NT5DC3: variants seen among roughly 807,000 people sequenced by gnomAD.
NT5DC3 encodes the protein 5'-nucleotidase domain containing 3, also known as 5'-nucleotidase domain-containing protein 3.
In NT5DC3, 42 loss-of-function variants were observed where a neutral mutation model predicts 67.8. The ratio of observed to expected loss-of-function variants is 0.62; its 90% confidence interval spans 0.48 to 0.80. NT5DC3 has a LOEUF of 0.80. Ranked by LOEUF, NT5DC3 falls within the 30% of genes least tolerant of loss-of-function variation. The probability of loss-of-function intolerance (pLI) is 0.00; values close to 1 mark genes in which losing one functional copy is unlikely to be tolerated. For missense variants in NT5DC3, 570 were observed against 696.4 expected, an observed-to-expected ratio of 0.82 and a Z score of 2.04; for synonymous variants, 237 against 255.6, an observed-to-expected ratio of 0.93 and a Z score of 0.69.
At chr12:103,812,172 GT>G (rs1211994015) in intron 2 of NT5DC3, among the ~76,000 whole-genome samples, 17 of 152,120 alleles carry the variant, frequency 1.1e-4, no homozygotes, top group Admixed American at 8.5e-4. Context: ...AAGCTTTTAT[GT>G]TTGCTTTTTG....
At chr12:103,768,366 C>T (rs1003816857), downstream of NT5DC3, among the ~76,000 whole-genome samples, 8 of 149,342 alleles carry the variant, frequency 5.4e-5, no homozygotes, top group South Asian at 2.1e-4. Flanking sequence ...ACCTGAGAGG[C>T]GGAGGTTGCA....
intron 1 of NT5DC3, among the ~76,000 whole-genome samples, chr12:103,816,235 T>A (rs1887245750): frequency 1.3e-5 from 2 of 152,178 alleles, no homozygotes; most frequent in South Asian, 4.1e-4. Flanking sequence ...AATATCTGCA[T>A]TATACCTACC....
the NT5DC3 span, chr12:103,759,205 G>A: frequency 6.2e-7 from 1 of 1,614,144 alleles, no homozygotes; most frequent in East Asian, 2.2e-5. Context: ...CCTTGTCAAT[G>A]GCACCACCCT....
chr12:103,787,577 C>A, intron 10 of NT5DC3, 50 bp from the exon 11 acceptor site: 2 of 1,039,030 alleles, frequency 1.9e-6, no homozygotes, highest in Non-Finnish European at 2.9e-6. Flanking sequence ...AGAGATCTGT[C>A]TAACCCACAG....
chr12:103,840,570 T>G (rs1387371440), intron 1 of NT5DC3, among the ~76,000 whole-genome samples: 1 of 151,748 alleles, frequency 6.6e-6, no homozygotes, highest in Non-Finnish European at 1.5e-5. Context: ...TTACTATTAT[T>G]ACTATTGATG....
At chr12:103,749,672 A>ATT in the NT5DC3 span, among the ~76,000 whole-genome samples, 1 of 132,600 alleles carries the variant, frequency 7.5e-6, no homozygotes, top group South Asian at 2.3e-4. Flanking sequence ...TACTAAAAAA[A>ATT]TGCAAAAAAA....
At chr12:103,837,414 C>T (rs1212657655) in intron 1 of NT5DC3, among the ~76,000 whole-genome samples, 6 of 152,312 alleles carry the variant, frequency 3.9e-5, no homozygotes, top group Non-Finnish European at 7.4e-5. Flanking sequence ...TTTCTGCAGG[C>T]GGCTTAAAGT....
intron 5 of NT5DC3, 115 bp from the exon 6 acceptor site, chr12:103,797,146 C>T: frequency 9.0e-7 from 1 of 1,115,082 alleles, no homozygotes; most frequent in South Asian, 1.4e-5. Context: ...ATCCCATCAT[C>T]AACACAAAAA....
intron 1 of NT5DC3, among the ~76,000 whole-genome samples, chr12:103,817,421 G>A (rs79610168): frequency 6.6e-6 from 1 of 151,984 alleles, no homozygotes; most frequent in East Asian, 1.9e-4. Context: ...ATGGCTCACA[G>A]GCAGACAAAT....
intron 6 of NT5DC3, among the ~76,000 whole-genome samples, chr12:103,795,721 C>T (rs11111787): frequency 0.37 from 55,823 of 151,466 alleles, 11,356 homozygotes; most frequent in East Asian, 0.88. Flanking sequence ...TAAATACATA[C>T]AAAATAATAT....
chr12:103,780,586 G>T (rs1403527257), intron 12 of NT5DC3, among the ~76,000 whole-genome samples: 2 of 152,164 alleles, frequency 1.3e-5, no homozygotes, highest in Non-Finnish European at 2.9e-5. Context: ...TAGAAATGTG[G>T]TTTAACAAAT....
At chr12:103,830,856 C>T (rs1021769896) in intron 1 of NT5DC3, among the ~76,000 whole-genome samples, 1 of 152,178 alleles carries the variant, frequency 6.6e-6, no homozygotes, top group African/African-American at 2.4e-5. Flanking sequence ...ATTCCAATAT[C>T]TTAAGTCCTA....
chr12:103,812,283 G>C (rs966080670), intron 2 of NT5DC3, among the ~76,000 whole-genome samples: 4 of 152,170 alleles, frequency 2.6e-5, no homozygotes, highest in Non-Finnish European at 4.4e-5. Context: ...GGTCTTGGCT[G>C]CAAAAATGGC....
intron 10 of NT5DC3, 113 bp downstream of exon 10, chr12:103,788,725 G>A: frequency 1.4e-6 from 1 of 738,308 alleles, no homozygotes. Flanking sequence ...CAGTTCATGG[G>A]AATCACTCAG....
At chr12:103,827,926 G>C (rs1218983329) in intron 1 of NT5DC3, among the ~76,000 whole-genome samples, 1 of 152,108 alleles carries the variant, frequency 6.6e-6, no homozygotes, top group Non-Finnish European at 1.5e-5. Flanking sequence ...TCAGGATTTG[G>C]CTGACCACAA....
intron 2 of NT5DC3, among the ~76,000 whole-genome samples, chr12:103,808,756 G>A (rs1404516813): frequency 6.6e-6 from 1 of 152,194 alleles, no homozygotes; most frequent in African/African-American, 2.4e-5. Context: ...TCTGCTTACT[G>A]AAGAGGGGCC....
intron 5 of NT5DC3, among the ~76,000 whole-genome samples, chr12:103,797,829 T>G (rs773641488): frequency 6.6e-6 from 1 of 152,252 alleles, no homozygotes; most frequent in Non-Finnish European, 1.5e-5. Context: ...TACATTCTGA[T>G]AAACCCACTG....
At chr12:103,803,048 G>A (rs758466926) in intron 4 of NT5DC3, among the ~76,000 whole-genome samples, 17 of 152,136 alleles carry the variant, frequency 1.1e-4, no homozygotes, top group Non-Finnish European at 2.1e-4. Context: ...AGTGTCTATG[G>A]AGGGGGCCAA....
At position 103,777,823 on chromosome 12, in the gene NT5DC3, C is replaced by A. The variant is rs2139296251; in HGVS notation, c.*6G>T. ...GGCAGTTACAGTTTCTAGTTTTTGC[C>A]CTTGGCTACTTGGCCTGGGCCTCCT... On this transcript the variant is annotated 3_prime_UTR_variant, in exon 14 of 14. Coordinates refer to ENST00000392876, the MANE Select transcript of NT5DC3 (RefSeq NM_001031701.3). 6.2e-7 allele frequency: 1 copy of A among 1,606,402 alleles called. No individual in the cohort carries two copies. Among genetic ancestry groups the A allele is most frequent in the South Asian group, 1.1e-5 (1 of 90,248 alleles).
Sources: gnomAD v4.1 joint callset for allele counts (sites outside exome capture counted in the v4.1 genomes callset) on GRCh38, gnomAD v4.1.1 for gene constraint, MANE v1.5 for transcripts, NCBI Gene and HGNC (gene_info 2026-07-23, HGNC 2026-07-21) for gene names.